Variants in MIR2052HG observed in about 807,000 individuals in gnomAD.
MIR2052HG encodes MIR2052 host gene.
At chr8:74,651,673 T>A (rs954693234) in intron 2 of MIR2052HG, among the ~76,000 whole-genome samples, 1 of 152,202 alleles carries the variant, frequency 6.6e-6, no homozygotes, top group Admixed American at 6.5e-5. Context: ...CTTAGTATTC[T>A]TGGCCAGAGA....
rs566010172 is a variant in MIR2052HG, at chr8:74,612,838, A to G, written n.129-15A>G. ...ATCTAATACGTATCTATTAAACAAA[A>G]ATGTTTTTCTGCAGTTCCCGAGAGA... On this transcript the variant is annotated splice_polypyrimidine_tract_variant and intron_variant and non_coding_transcript_variant, in intron 1 of 6. Coordinates refer to ENST00000523442, the Ensembl canonical transcript of MIR2052HG. 5.3e-4 allele frequency: 242 copies of G among 455,028 alleles called. 2 individuals carry two copies. The highest frequency in any genetic ancestry group is 3.7e-3 in the South Asian group (240 of 64,284). 28.2% of individuals were successfully genotyped at this position (455,028 alleles called of 1,614,324 possible). A position where few individuals can be genotyped will look rare whatever the true frequency, so the allele number is the denominator to read the frequency against.
Position 74,666,604 on chromosome 8 carries a change from G to A in MIR2052HG, n.217-35775G>A, listed in dbSNP as rs566217571. ...TGACCTCAATGTATATTGGCTGAAT[G>A]AATGTCTTGTAGACCTTTGGAGAAT... On this transcript the variant is annotated intron_variant and non_coding_transcript_variant, in intron 2 of 6. Coordinates refer to ENST00000523442, the Ensembl canonical transcript of MIR2052HG. Among the ~76,000 whole-genome samples the A allele has an allele frequency of 6.6e-5, 10 of 152,278 alleles. No individual in the cohort carries two copies. In the South Asian group the frequency reaches 2.1e-3, roughly 32 times the overall value.
At chr8:74,601,642 C>T (rs746609086) in intron 1 of MIR2052HG, among the ~76,000 whole-genome samples, 9 of 152,156 alleles carry the variant, frequency 5.9e-5, no homozygotes, top group Non-Finnish European at 1.3e-4. Flanking sequence ...CAAAACCTTT[C>T]TTGTTTTCTC....
At chr8:74,628,252 C>T (rs958369866) in intron 2 of MIR2052HG, among the ~76,000 whole-genome samples, 2 of 152,118 alleles carry the variant, frequency 1.3e-5, no homozygotes, top group Non-Finnish European at 2.9e-5. Context: ...CCCAGGAACT[C>T]TTTGGACAAA....
chr8:74,752,434 G>A, intron 4 of MIR2052HG: 1 of 452,772 alleles, frequency 2.2e-6, no homozygotes, highest in Non-Finnish European at 4.4e-6. Flanking sequence ...TGAATTTCAT[G>A]CACTAGGCCC....
rs200487675 is a variant in MIR2052HG, at chr8:74,605,707, G to T, written n.128+5799G>T. Among the ~76,000 whole-genome samples, 20 of 152,174 alleles carry T rather than the reference G, an allele frequency of 1.3e-4. No homozygotes were observed. In the East Asian group the frequency reaches 2.7e-3, roughly 21 times the overall value. The stretch of plus-strand genomic sequence containing the variant: ...ACTGAAAGAGTTCCAACAAAGAAAA[G>T]AACATTTTTGATAGTCAAATAATTC... On this transcript the variant is annotated intron_variant and non_coding_transcript_variant, in intron 1 of 6. Coordinates refer to ENST00000523442, the Ensembl canonical transcript of MIR2052HG.
At chr8:74,644,976 G>C (rs1224136361) in intron 2 of MIR2052HG, among the ~76,000 whole-genome samples, 2 of 152,102 alleles carry the variant, frequency 1.3e-5, no homozygotes, top group Non-Finnish European at 2.9e-5. Context: ...TTGGAGCCCT[G>C]TCCCTTCATT....
intron 2 of MIR2052HG, among the ~76,000 whole-genome samples, chr8:74,664,535 GA>G (rs747721061): frequency 8.6e-5 from 13 of 150,420 alleles, no homozygotes; most frequent in Non-Finnish European, 1.6e-4. Flanking sequence ...TTTATTTTTT[GA>G]GGCAGAATTT....
intron 2 of MIR2052HG, among the ~76,000 whole-genome samples, chr8:74,634,668 A>G (rs1053571333): frequency 1.3e-5 from 2 of 152,150 alleles, no homozygotes; most frequent in African/African-American, 4.8e-5. Flanking sequence ...GTGAGTAAAG[A>G]CATTATCTTT....
chr8:74,698,969 T>G (rs187558881), intron 2 of MIR2052HG, among the ~76,000 whole-genome samples: 2 of 151,938 alleles, frequency 1.3e-5, no homozygotes, highest in Non-Finnish European at 2.9e-5. Context: ...TAGACAATTA[T>G]AAGAAGATAC....
At chr8:74,743,142 C>T (rs570338802) in intron 4 of MIR2052HG, among the ~76,000 whole-genome samples, 11 of 151,216 alleles carry the variant, frequency 7.3e-5, no homozygotes, top group African/African-American at 9.7e-5. Context: ...TTTGGACACA[C>T]GGTAGAATAA....
intron 2 of MIR2052HG, among the ~76,000 whole-genome samples, chr8:74,622,083 C>T (rs2553716): frequency 1.3e-5 from 2 of 152,004 alleles, no homozygotes; most frequent in Non-Finnish European, 2.9e-5. Flanking sequence ...GCACCTGCAC[C>T]GCAAAGAAAG....
At chr8:74,670,247 A>G (rs1479486424) in intron 2 of MIR2052HG, among the ~76,000 whole-genome samples, 1 of 150,050 alleles carries the variant, frequency 6.7e-6, no homozygotes, top group Non-Finnish European at 1.5e-5. Context: ...GCTCACTGCT[A>G]TATCTCCAGT....
chr8:74,649,944 C>A (rs1808734906), intron 2 of MIR2052HG, among the ~76,000 whole-genome samples: 1 of 151,730 alleles, frequency 6.6e-6, no homozygotes, highest in Non-Finnish European at 1.5e-5. Context: ...TATAAAGTGT[C>A]CTTCTACTGA....
chr8:74,672,885 A>G (rs1372713425), intron 2 of MIR2052HG, among the ~76,000 whole-genome samples: 2 of 152,030 alleles, frequency 1.3e-5, no homozygotes, highest in Non-Finnish European at 2.9e-5. Context: ...CTTTTCCAGA[A>G]CTATTTAAAT....
intron 4 of MIR2052HG, among the ~76,000 whole-genome samples, chr8:74,740,455 C>T (rs1019200794): frequency 2.6e-5 from 4 of 152,088 alleles, no homozygotes; most frequent in Non-Finnish European, 5.9e-5. Flanking sequence ...CAGAGTGAGA[C>T]TTCATCTAAA....
intron 2 of MIR2052HG, among the ~76,000 whole-genome samples, chr8:74,613,239 T>C (rs1466018000): frequency 6.6e-6 from 1 of 152,200 alleles, no homozygotes; most frequent in Non-Finnish European, 1.5e-5. Flanking sequence ...TGACTGGTAC[T>C]ATATGAACAT....
chr8:74,709,938 T>C (rs1809449430), intron 4 of MIR2052HG, among the ~76,000 whole-genome samples: 1 of 152,212 alleles, frequency 6.6e-6, no homozygotes, highest in Non-Finnish European at 1.5e-5. Context: ...TGGTAAATAA[T>C]GATAATTTTT....
chr8:74,751,376 G>T (rs977976930), intron 4 of MIR2052HG, among the ~76,000 whole-genome samples: 1 of 152,184 alleles, frequency 6.6e-6, no homozygotes, highest in Non-Finnish European at 1.5e-5. Context: ...AGCCTTAAAA[G>T]AAAATATGTG....
Sources: gnomAD v4.1 joint callset for allele counts (sites outside exome capture counted in the v4.1 genomes callset) on GRCh38, gnomAD v4.1.1 for gene constraint, MANE v1.5 for transcripts, NCBI Gene and HGNC (gene_info 2026-07-23, HGNC 2026-07-21) for gene names.